RBM6: variants seen among roughly 807,000 people sequenced by gnomAD.
RBM6 encodes the protein RNA-binding protein 6.
In RBM6, 23 loss-of-function variants were observed where a neutral mutation model predicts 140.4. That is an observed-to-expected ratio of 0.16 (90% CI 0.12 to 0.23). The LOEUF (loss-of-function observed/expected upper bound fraction) is 0.23. RBM6 is among the 10% of genes least tolerant of loss of function. RBM6 has a pLI of 1.00. For missense variants in RBM6, 1,139 were observed against 1,386.7 expected, an observed-to-expected ratio of 0.82 and a Z score of 2.84; for synonymous variants, 439 against 475.6, an observed-to-expected ratio of 0.92 and a Z score of 1.00.
At position 50,075,310 on chromosome 3, in the gene RBM6, G is replaced by A; in HGVS notation, c.3226G>A (p.Gly1076Arg). 6.2e-7 allele frequency: 1 copy of A among 1,613,626 alleles called. No homozygotes were observed. The highest frequency in any genetic ancestry group is 8.5e-7 in the Non-Finnish European group (1 of 1,179,796). Residue 1076 changes from glycine to arginine, a missense_variant, in exon 20 of 21, where the codon GGA becomes AGA. By Grantham distance (125) the Gly-to-Arg change is moderately radical. Coordinates refer to ENST00000266022, the MANE Select transcript of RBM6 (RefSeq NM_005777.3). ...KGTGLGYGHP[G>R]LASSEEAEGR... is the part of the protein sequence containing the mutation. Reference sequence around the variant, plus strand: ...GACAGGCCTGGGATATGGCCATCCTGGATTGGCTTCATCAGAGGAGGTAAA... The same window carrying A: ...GACAGGCCTGGGATATGGCCATCCTAGATTGGCTTCATCAGAGGAGGTAAA...
At chr3:50,002,988 C>T (rs1029319017) in intron 6 of RBM6, among the ~76,000 whole-genome samples, 27 of 152,038 alleles carry the variant, frequency 1.8e-4, no homozygotes, top group South Asian at 6.2e-4. Flanking sequence ...TGGTGGCGCA[C>T]GCCTGTAGTC....
chr3:50,023,144 T>A (rs149043458), intron 6 of RBM6, among the ~76,000 whole-genome samples: 2 of 152,146 alleles, frequency 1.3e-5, no homozygotes, highest in Non-Finnish European at 2.9e-5. Flanking sequence ...GTATATTCGC[T>A]GAATACGAGA....
At chr3:49,945,176 A>AT (rs34249907) in intron 1 of RBM6, among the ~76,000 whole-genome samples, 10,108 of 122,104 alleles carry the variant, frequency 0.083, 540 homozygotes, top group Middle Eastern at 0.11. Flanking sequence ...CGCCCGGCCA[A>AT]TTTTTTTTTT....
intron 7 of RBM6, among the ~76,000 whole-genome samples, chr3:50,053,190 A>G (rs948265264): frequency 3.3e-5 from 5 of 152,304 alleles, no homozygotes; most frequent in South Asian, 2.1e-4. Flanking sequence ...TGTCAGGATC[A>G]ATAAGTGATG....
At chr3:49,978,214 T>C in intron 5 of RBM6, among the ~76,000 whole-genome samples, 1 of 152,176 alleles carries the variant, frequency 6.6e-6, no homozygotes, top group Non-Finnish European at 1.5e-5. Context: ...TTTCCCAGGC[T>C]GGTCTTGAAC....
chr3:50,045,685 G>A (rs2089185710), intron 6 of RBM6, among the ~76,000 whole-genome samples: 1 of 152,134 alleles, frequency 6.6e-6, no homozygotes, highest in African/African-American at 2.4e-5. Context: ...GAAATGAGTG[G>A]CTGTTTGACT....
At chr3:50,035,064 C>T (rs1203491223) in intron 6 of RBM6, among the ~76,000 whole-genome samples, 1 of 141,586 alleles carries the variant, frequency 7.1e-6, no homozygotes, top group Non-Finnish European at 1.5e-5. Context: ...CCCCTCTCCT[C>T]CCCTCCCCTC....
At chr3:49,981,774 G>C (rs2085314605) in intron 5 of RBM6, 1 of 152,176 alleles carries the variant, frequency 6.6e-6, no homozygotes, top group African/African-American at 2.4e-5. Context: ...AATGGTTGTA[G>C]ATCTTCTCAT....
chr3:50,033,493 A>G (rs1269890478), intron 6 of RBM6, among the ~76,000 whole-genome samples: 3 of 152,146 alleles, frequency 2.0e-5, no homozygotes, highest in Non-Finnish European at 4.4e-5. Flanking sequence ...AAAATGACCC[A>G]TAGGCTGGTG....
At chr3:50,013,420 C>G (rs1411387106) in intron 6 of RBM6, among the ~76,000 whole-genome samples, 2 of 152,092 alleles carry the variant, frequency 1.3e-5, no homozygotes, top group Admixed American at 1.3e-4. Context: ...CCTGTAATCC[C>G]AGCACTTTCA....
chr3:50,066,593 C>T (rs966022119), intron 17 of RBM6, 91 bp downstream of exon 17: 6 of 1,472,802 alleles, frequency 4.1e-6, no homozygotes, highest in Middle Eastern at 2.1e-4. Flanking sequence ...TTTGGGAGGC[C>T]GAGGCGGGTG....
intron 5 of RBM6, among the ~76,000 whole-genome samples, chr3:49,995,260 T>C (rs1004156175): frequency 5.5e-5 from 6 of 109,624 alleles, no homozygotes; most frequent in African/African-American, 2.5e-4. Flanking sequence ...ATTCTTCTCA[T>C]TTGCCTAAAA....
At chr3:49,988,694 C>T (rs1158602466) in intron 5 of RBM6, among the ~76,000 whole-genome samples, 2 of 152,104 alleles carry the variant, frequency 1.3e-5, no homozygotes. Context: ...TCTGGCTGTG[C>T]ATGGTGGCTA....
At chr3:50,056,017 T>C (rs2089680669) in intron 8 of RBM6, among the ~76,000 whole-genome samples, 1 of 152,200 alleles carries the variant, frequency 6.6e-6, no homozygotes, top group Non-Finnish European at 1.5e-5. Context: ...TGTTGCAAGG[T>C]TAGAGTTTAA....
intron 5 of RBM6, among the ~76,000 whole-genome samples, chr3:49,981,180 A>C (rs891107959): frequency 2.0e-5 from 3 of 152,180 alleles, no homozygotes; most frequent in African/African-American, 7.2e-5. Flanking sequence ...GATTACAGGC[A>C]TGAGCCACTG....
intron 5 of RBM6, among the ~76,000 whole-genome samples, chr3:49,979,441 T>G (rs1000922887): frequency 1.3e-5 from 2 of 150,214 alleles, no homozygotes; most frequent in African/African-American, 4.9e-5. Context: ...TTACTTTGTT[T>G]TTTTTTTTTT....
intron 6 of RBM6, among the ~76,000 whole-genome samples, chr3:50,026,888 G>A (rs2087860301): frequency 7.6e-6 from 1 of 130,800 alleles, no homozygotes. Flanking sequence ...GACAGAGTGA[G>A]ACCTTGTCTC....
intron 6 of RBM6, among the ~76,000 whole-genome samples, chr3:50,032,725 G>A (rs942676508): frequency 6.6e-6 from 1 of 151,866 alleles, no homozygotes; most frequent in Admixed American, 6.6e-5. Flanking sequence ...GGTGGCTCAC[G>A]CCTATAATCC....
chr3:50,018,922 A>C (rs1048165752), intron 6 of RBM6, among the ~76,000 whole-genome samples: 2 of 152,108 alleles, frequency 1.3e-5, no homozygotes, highest in Non-Finnish European at 2.9e-5. Flanking sequence ...AGAAACTGTC[A>C]AACAGTTTTT....
Sources: allele counts gnomAD v4.1 joint callset (sites outside exome capture counted in the v4.1 genomes callset), GRCh38; gene constraint gnomAD v4.1.1; transcripts MANE v1.5; gene names NCBI Gene and HGNC (gene_info 2026-07-23, HGNC 2026-07-21).